FARS2: variants seen among roughly 807,000 people sequenced by gnomAD.
The protein encoded by FARS2 is phenylalanyl-tRNA synthetase 2, mitochondrial, also known as phenylalanine--tRNA ligase, mitochondrial.
Under a neutral mutation model 46.4 loss-of-function variants are expected in FARS2, and 40 were observed. That is an observed-to-expected ratio of 0.86 (90% confidence interval 0.67 to 1.12). The LOEUF is 1.12. Ranked by LOEUF, FARS2 falls within the 50% of genes most tolerant of loss-of-function variation. The pLI is 0.00. For synonymous variants in FARS2, 234 were observed against 214.9 expected (o/e 1.09, Z -0.78); for missense variants, 513 against 567.9 (o/e 0.90, Z 0.98).
At position 5,545,251 on chromosome 6, in the gene FARS2, A is replaced by G; in HGVS notation, c.976A>G (p.Ile326Val). ...LERLAMILYD[I>V]PDIRLFWCED... The stretch of plus-strand genomic sequence containing the variant: ...AAGGCTAGCCATGATCCTCTACGAC[A>G]TCCCTGATATCCGTCTCTTCTGGTG... The change falls in exon 5 of 7, where the codon ATC becomes GTC. Residue 326 changes from isoleucine to valine, a missense_variant. Physicochemically the swap from Ile to Val is conservative, Grantham distance 29. Coordinates refer to ENST00000274680, the MANE Select transcript of FARS2 (RefSeq NM_006567.5). 2 of 1,614,044 alleles carry G rather than the reference A, an allele frequency of 1.2e-6. No individual in the cohort carries two copies. Among genetic ancestry groups the G allele is most frequent in the Non-Finnish European group, 1.7e-6 (2 of 1,179,940 alleles).
chr6:5,261,239 G>T, upstream of FARS2: 1 of 143,996 alleles, frequency 6.9e-6, no homozygotes, highest in Non-Finnish European at 1.5e-5. Context: ...CCAGGAGGCC[G>T]CGTTGCCCGG....
intron 4 of FARS2, among the ~76,000 whole-genome samples, chr6:5,517,939 G>A (rs1185018540): frequency 6.6e-6 from 1 of 152,182 alleles, no homozygotes; most frequent in Non-Finnish European, 1.5e-5. Flanking sequence ...AACTCATACA[G>A]GAAGATGTGG....
At chr6:5,308,293 G>T (rs1768861622) in intron 1 of FARS2, among the ~76,000 whole-genome samples, 1 of 152,134 alleles carries the variant, frequency 6.6e-6, no homozygotes, top group African/African-American at 2.4e-5. Context: ...TTAGTAGGTC[G>T]GGGCAAATGC....
At chr6:5,670,566 A>T (rs1470996759) in intron 6 of FARS2, among the ~76,000 whole-genome samples, 1 of 152,196 alleles carries the variant, frequency 6.6e-6, no homozygotes, top group Non-Finnish European at 1.5e-5. Context: ...TGAAATGTAG[A>T]ATATCATAAT....
intron 6 of FARS2, among the ~76,000 whole-genome samples, chr6:5,738,863 C>G (rs1450483756): frequency 4.6e-5 from 7 of 151,528 alleles, no homozygotes; most frequent in Admixed American, 4.6e-4. Flanking sequence ...TTTTCATTTT[C>G]TAGAACGTAA....
chr6:5,413,051 TG>T (rs1295254947), intron 3 of FARS2, among the ~76,000 whole-genome samples: 1 of 152,044 alleles, frequency 6.6e-6, no homozygotes, highest in Non-Finnish European at 1.5e-5. Context: ...AGGAATCAGG[TG>T]GAGAGAGGCC....
intron 5 of FARS2, among the ~76,000 whole-genome samples, chr6:5,549,197 T>C (rs1181379713): frequency 1.3e-4 from 20 of 151,640 alleles, no homozygotes; most frequent in Admixed American, 1.2e-3. Flanking sequence ...TTTTTTTAAT[T>C]ATACTTTAAG....
At chr6:5,505,229 A>T (rs1453630665) in intron 4 of FARS2, among the ~76,000 whole-genome samples, 1 of 152,166 alleles carries the variant, frequency 6.6e-6, no homozygotes, top group Non-Finnish European at 1.5e-5. Context: ...CTGAGATTAG[A>T]TGGAAAAGGC....
At chr6:5,645,887 T>A (rs376918419) in intron 6 of FARS2, among the ~76,000 whole-genome samples, 5 of 152,342 alleles carry the variant, frequency 3.3e-5, no homozygotes, top group South Asian at 2.1e-4. Flanking sequence ...GTTACCATTT[T>A]TAGTGCCATG....
intron 1 of FARS2, among the ~76,000 whole-genome samples, chr6:5,342,621 G>A (rs767145204): frequency 2.0e-5 from 3 of 152,026 alleles, no homozygotes; most frequent in Non-Finnish European, 2.9e-5. Flanking sequence ...GCTTGATGGT[G>A]CATGCCTGTA....
rs190230413 is a variant in FARS2 at position 5,735,918 on chromosome 6, G to T, written c.1218-35373G>T. ...TCTTTTAGGAAACTGTTCTCAAGAA[G>T]ATTAGAGAGCTGGCTTGAACCATTT... On this transcript the variant is annotated intron_variant, in intron 6 of 6. Coordinates refer to ENST00000274680, the MANE Select transcript of FARS2 (RefSeq NM_006567.5). Among the ~76,000 whole-genome samples the T allele has an allele frequency of 1.5e-3, 228 of 152,328 alleles. 1 individual carries two copies. Among genetic ancestry groups the T allele is most frequent in the Non-Finnish European group, 7.1e-4 (48 of 68,030 alleles).
chr6:5,330,071 T>C (rs538616000), intron 1 of FARS2, among the ~76,000 whole-genome samples: 13 of 152,168 alleles, frequency 8.5e-5, no homozygotes, highest in Non-Finnish European at 7.4e-5. Flanking sequence ...GAACAAAATA[T>C]ACTCCTAGCT....
At chr6:5,769,698 G>C (rs1202482942) in intron 6 of FARS2, among the ~76,000 whole-genome samples, 1 of 152,146 alleles carries the variant, frequency 6.6e-6, no homozygotes, top group African/African-American at 2.4e-5. Flanking sequence ...GAGGGAATGG[G>C]GCAGGCCTCC....
In FARS2 at chr6:5,561,652, C is replaced by G. The variant is rs114620414; in HGVS notation, c.1065+16312C>G. Reference sequence around the variant, plus strand: ...TTGGTTTGGATTTGTTTTGGTTTATCCTGCTTAGTATTTGGAGGGTATTTT... The same window carrying G: ...TTGGTTTGGATTTGTTTTGGTTTATGCTGCTTAGTATTTGGAGGGTATTTT... On this transcript the variant is annotated intron_variant, in intron 5 of 6. Coordinates refer to ENST00000274680, the MANE Select transcript of FARS2 (RefSeq NM_006567.5). Among the ~76,000 whole-genome samples, 743 of 151,886 alleles carry G rather than the reference C, an allele frequency of 4.9e-3. 9 individuals are homozygous for G. The highest frequency in any genetic ancestry group is 0.02 in the Middle Eastern group (6 of 294).
In FARS2 at chr6:5,502,970, A is replaced by G. The variant is rs939281669; in HGVS notation, c.905-42210A>G. ...TTGGAAGTTCATTTTGTCAAAGGTAACACACCTGATTGTGCGTGTGATTGT... is the reference window on the plus strand; with the variant it reads ...TTGGAAGTTCATTTTGTCAAAGGTAGCACACCTGATTGTGCGTGTGATTGT... On this transcript the variant is annotated intron_variant, in intron 4 of 6. Coordinates refer to ENST00000274680, the MANE Select transcript of FARS2 (RefSeq NM_006567.5). 1.1e-4 allele frequency among the ~76,000 whole-genome samples: 16 copies of G among 152,222 alleles called. No homozygotes were observed. The South Asian group carries it at 3.3e-3, about 32-fold the overall frequency.
At chr6:5,502,797 C>T (rs1001495999) in intron 4 of FARS2, among the ~76,000 whole-genome samples, 1 of 152,178 alleles carries the variant, frequency 6.6e-6, no homozygotes, top group South Asian at 2.1e-4. Flanking sequence ...TATCTTGGCT[C>T]AGTTAGCAAA....
At chr6:5,736,425 A>G (rs1015373633) in intron 6 of FARS2, among the ~76,000 whole-genome samples, 4 of 152,208 alleles carry the variant, frequency 2.6e-5, no homozygotes, top group Admixed American at 6.5e-5. Context: ...GGAGATTGCC[A>G]CCACAGGTGG....
chr6:5,325,691 A>G (rs533185156), intron 1 of FARS2, among the ~76,000 whole-genome samples: 1 of 152,342 alleles, frequency 6.6e-6, no homozygotes, highest in South Asian at 2.1e-4. Context: ...GCTTCAATTT[A>G]TCCTTTTTGA....
At chr6:5,677,245 C>G (rs1366722391) in intron 6 of FARS2, among the ~76,000 whole-genome samples, 1 of 152,150 alleles carries the variant, frequency 6.6e-6, no homozygotes, top group Non-Finnish European at 1.5e-5. Context: ...AGAATCAAAG[C>G]AACCATAATT....
Sources: allele counts gnomAD v4.1 joint callset (sites outside exome capture counted in the v4.1 genomes callset), GRCh38; gene constraint gnomAD v4.1.1; transcripts MANE v1.5; gene names NCBI Gene and HGNC (gene_info 2026-07-23, HGNC 2026-07-21).